Variants in DRC8 observed in about 807,000 individuals in gnomAD.
DRC8 encodes the protein dynein regulatory complex protein 8.
chr1:245,045,623 CTGAAG>C, the DRC8 span, among the ~76,000 whole-genome samples: 1 of 152,190 alleles, frequency 6.6e-6, no homozygotes, highest in Non-Finnish European at 1.5e-5. Context: ...CAACCAGAGG[CTGAAG>C]TGAAGTTACA....
the DRC8 span, among the ~76,000 whole-genome samples, chr1:245,062,765 T>C: frequency 4.6e-5 from 7 of 152,214 alleles, no homozygotes; most frequent in African/African-American, 1.7e-4. Flanking sequence ...AGCACCTTTG[T>C]TGGCTCCACA....
the DRC8 span, among the ~76,000 whole-genome samples, chr1:245,008,670 CT>C: frequency 8.8e-4 from 123 of 139,310 alleles, no homozygotes; most frequent in Non-Finnish European, 9.9e-4. Context: ...TGTTCTCACA[CT>C]TTTTTTTTTT....
At chr1:245,055,999 C>G in the DRC8 span, among the ~76,000 whole-genome samples, 2 of 152,166 alleles carry the variant, frequency 1.3e-5, no homozygotes, top group Non-Finnish European at 2.9e-5. Context: ...GAACCCCTGG[C>G]CTCCAGCCGT....
chr1:245,020,510 T>G, the DRC8 span, among the ~76,000 whole-genome samples: 5 of 152,082 alleles, frequency 3.3e-5, no homozygotes, highest in African/African-American at 1.2e-4. Context: ...CAAGACCCTT[T>G]CCGGGGTCTG....
the DRC8 span, chr1:244,970,528 C>G: frequency 2.0e-6 from 3 of 1,479,650 alleles, no homozygotes; most frequent in Non-Finnish European, 2.7e-6. Context: ...TGGGGTGGGC[C>G]CTCGTCCATC....
chr1:245,075,906 T>G, the DRC8 span, among the ~76,000 whole-genome samples: 5 of 152,190 alleles, frequency 3.3e-5, no homozygotes, highest in Non-Finnish European at 7.3e-5. Context: ...CTCTCGCCTT[T>G]TTTTCAGTCC....
the DRC8 span, among the ~76,000 whole-genome samples, chr1:245,097,211 T>C: frequency 6.6e-6 from 1 of 152,134 alleles, no homozygotes; most frequent in Middle Eastern, 3.2e-3. This position sits in a 1 kb window ranked among gnomAD's most constrained non-coding sequence, Gnocchi z 5.0. Context: ...TTAGTGATAT[T>C]CTATGCTAGA....
the DRC8 span, among the ~76,000 whole-genome samples, chr1:244,991,379 G>A: frequency 1.3e-5 from 2 of 152,066 alleles, no homozygotes; most frequent in Non-Finnish European, 2.9e-5. Context: ...TAGGGTTTTT[G>A]TGGGGGTTCC....
the DRC8 span, among the ~76,000 whole-genome samples, chr1:245,058,566 TAAGTG>T: frequency 6.6e-6 from 1 of 152,354 alleles, no homozygotes; most frequent in Admixed American, 6.5e-5. Context: ...CTACTCTAGT[TAAGTG>T]AATATTTGCG....
At chr1:245,013,587 AT>A in the DRC8 span, among the ~76,000 whole-genome samples, 1 of 152,182 alleles carries the variant, frequency 6.6e-6, no homozygotes, top group South Asian at 2.1e-4. Context: ...AACATCCACA[AT>A]TGGAGGGTTG....
chr1:245,087,332 T>C, the DRC8 span: 1 of 1,602,276 alleles, frequency 6.2e-7, no homozygotes, highest in Non-Finnish European at 8.5e-7. Flanking sequence ...AAGGACTATA[T>C]AACAATGATG....
At chr1:245,033,156 G>A in the DRC8 span, among the ~76,000 whole-genome samples, 2 of 152,314 alleles carry the variant, frequency 1.3e-5, no homozygotes, top group African/African-American at 2.4e-5. Flanking sequence ...GCTGGCACAC[G>A]GCGGGCTCTC....
the DRC8 span, among the ~76,000 whole-genome samples, chr1:245,101,501 T>G: frequency 2.0e-5 from 3 of 152,220 alleles, no homozygotes; most frequent in East Asian, 1.9e-4. Flanking sequence ...AGTACTATTG[T>G]TGATGAACAC....
chr1:245,067,006 C>T, the DRC8 span, among the ~76,000 whole-genome samples: 1 of 152,292 alleles, frequency 6.6e-6, no homozygotes, highest in South Asian at 2.1e-4. Flanking sequence ...TATAATACAT[C>T]AACACATTTC....
At chr1:245,052,526 A>G in the DRC8 span, among the ~76,000 whole-genome samples, 1 of 152,226 alleles carries the variant, frequency 6.6e-6, no homozygotes, top group Non-Finnish European at 1.5e-5. Context: ...GGTTGATTCC[A>G]TCACTCTGTG....
At chr1:245,021,345 T>G in the DRC8 span, among the ~76,000 whole-genome samples, 3 of 152,108 alleles carry the variant, frequency 2.0e-5, no homozygotes, top group African/African-American at 7.2e-5. Flanking sequence ...TGAGTGGACA[T>G]TTTTAAAGCT....
At chr1:245,042,503 A>G in the DRC8 span, among the ~76,000 whole-genome samples, 2 of 152,248 alleles carry the variant, frequency 1.3e-5, no homozygotes, top group African/African-American at 4.8e-5. Context: ...CTTTTCCAAA[A>G]TAAGGTACAT....
chr1:245,067,083 A>G, the DRC8 span, among the ~76,000 whole-genome samples: 99 of 152,270 alleles, frequency 6.5e-4, no homozygotes, highest in African/African-American at 2.4e-3. Flanking sequence ...ACCTTAGTCC[A>G]AGCCTTGTCA....
chr1:245,108,716 C>T, the DRC8 span, among the ~76,000 whole-genome samples: 1 of 152,068 alleles, frequency 6.6e-6, no homozygotes. Context: ...CAACCTAGAC[C>T]ACAGGCATCA....
Sources: gnomAD v4.1 joint callset for allele counts (sites outside exome capture counted in the v4.1 genomes callset) on GRCh38, gnomAD v4.1.1 for gene constraint, Gnocchi (gnomAD v3.1) non-coding constraint, MANE v1.5 for transcripts, NCBI Gene and HGNC (gene_info 2026-07-23, HGNC 2026-07-21) for gene names.